The following PPP3CC variants were observed in gnomAD, a reference collection of about 807,000 sequenced individuals.
The protein encoded by PPP3CC is protein phosphatase 3 catalytic subunit gamma, also known as serine/threonine-protein phosphatase 2B catalytic subunit gamma isoform.
In PPP3CC, 35 loss-of-function variants were observed where a neutral mutation model predicts 60.3. The observed-to-expected ratio is 0.58, with a 90% CI of 0.44 to 0.77. The LOEUF is 0.77. PPP3CC is among the 30% of genes least tolerant of loss of function. The pLI is 0.00. For synonymous variants in PPP3CC, 206 were observed against 224.3 expected (o/e 0.92, Z 0.73); for missense variants, 570 against 628.9 (o/e 0.91, Z 1.00).
In PPP3CC at chr8:22,467,820, A is replaced by G. The variant is rs138166666; in HGVS notation, c.50-7134A>G. Among the ~76,000 whole-genome samples the G allele has an allele frequency of 2.2e-4, 34 of 152,294 alleles. No individual in the cohort carries two copies. In the East Asian group the frequency reaches 6.0e-3, roughly 27 times the overall value. On this transcript the variant is annotated intron_variant, in intron 1 of 13. Transcript: ENST00000240139. Reference sequence around the variant, plus strand: ...AGTCCTAGAGGCTGGGAAGTCCAAGAGTCAGCTTGCCAGCAGATTGTGTGT... The same window carrying G: ...AGTCCTAGAGGCTGGGAAGTCCAAGGGTCAGCTTGCCAGCAGATTGTGTGT...
At chr8:22,462,851 C>A (rs899287292) in intron 1 of PPP3CC, among the ~76,000 whole-genome samples, 1 of 152,204 alleles carries the variant, frequency 6.6e-6, no homozygotes, top group Non-Finnish European at 1.5e-5. Flanking sequence ...GGCTGCACAG[C>A]AGCATTTAAG....
chr8:22,445,020 T>G (rs929469523), intron 1 of PPP3CC, among the ~76,000 whole-genome samples: 3 of 152,232 alleles, frequency 2.0e-5, no homozygotes, highest in African/African-American at 7.2e-5. Flanking sequence ...ATTGTCTTAT[T>G]TTGTTACTTT....
chr8:22,459,852 A>C (rs1044555367), intron 1 of PPP3CC, among the ~76,000 whole-genome samples: 1 of 152,110 alleles, frequency 6.6e-6, no homozygotes, highest in African/African-American at 2.4e-5. Context: ...GGGGTAGACT[A>C]TTTTCTTAGA....
At position 22,508,260 on chromosome 8, in the gene PPP3CC, AT is replaced by A. The variant is rs1288702833; in HGVS notation, c.485-2819del. The stretch of plus-strand genomic sequence containing the variant: ...ACAGTAAGATCCTGTCTCTAAAAAA[AT>A]TTTTTTAAAAGGTGGTATAATAATA... On this transcript the variant is annotated intron_variant, in intron 4 of 13. Coordinates refer to ENST00000240139, the MANE Select transcript of PPP3CC (RefSeq NM_005605.5). Among the ~76,000 whole-genome samples, 5 of 152,112 alleles carry A rather than the reference AT, an allele frequency of 3.3e-5. No individual in the cohort carries two copies. In the East Asian group the frequency reaches 5.8e-4, roughly 18 times the overall value.
chr8:22,457,720 C>T (rs1481007922), intron 1 of PPP3CC, among the ~76,000 whole-genome samples: 1 of 152,232 alleles, frequency 6.6e-6, no homozygotes. Flanking sequence ...CTTAACTATT[C>T]TGTGTTTATA....
chr8:22,475,499 G>T lies in PPP3CC; in HGVS notation c.248-1G>T, dbSNP rs368085413. 2 of 1,606,950 alleles carry T rather than the reference G, an allele frequency of 1.2e-6. No individual in the cohort carries two copies. The highest frequency in any genetic ancestry group is 1.1e-5 in the South Asian group (1 of 89,712). On this transcript the variant is annotated splice_acceptor_variant, in intron 2 of 13. Transcript: ENST00000240139. LOFTEE classifies it high-confidence loss of function. ...ACATCACTTTATGCTTTTTTTCCTA[G>T]TATGTGGTGATATTCATGGACAATT...
In PPP3CC at chr8:22,538,287, C is replaced by G. The variant is rs560246955; in HGVS notation, c.1322-1182C>G. Reference sequence around the variant, plus strand: ...GTTTCAGCAATGCTTTGTTCTCCCACTTCCTAACAGTTACATCAGTGATGT... The same window carrying G: ...GTTTCAGCAATGCTTTGTTCTCCCAGTTCCTAACAGTTACATCAGTGATGT... On this transcript the variant is annotated intron_variant, in intron 12 of 13. Coordinates refer to ENST00000240139, the MANE Select transcript of PPP3CC (RefSeq NM_005605.5). Among the ~76,000 whole-genome samples, 9 of 152,326 alleles carry G rather than the reference C, an allele frequency of 5.9e-5. No individual in the cohort carries two copies. The South Asian group carries it at 1.9e-3, about 32-fold the overall frequency.
In PPP3CC at chr8:22,540,996, G is replaced by A. The variant is rs1046991833; in HGVS notation, c.*194G>A. The stretch of plus-strand genomic sequence containing the variant: ...TTTATGTTCAATATATATAAAAAGT[G>A]CATCTGTTTTGTTTTTCCCTTTTTT... On this transcript the variant is annotated 3_prime_UTR_variant, in exon 14 of 14. Coordinates refer to ENST00000240139, the MANE Select transcript of PPP3CC (RefSeq NM_005605.5). The A allele has an allele frequency of 7.2e-6, 3 of 417,262 alleles. No homozygotes were observed. Among genetic ancestry groups the A allele is most frequent in the African/African-American group, 2.1e-5 (1 of 48,402 alleles). 25.8% of individuals were successfully genotyped at this position (417,262 alleles called of 1,614,324 possible). A position where few individuals can be genotyped will look rare whatever the true frequency, so the allele number is the denominator to read the frequency against.
chr8:22,463,922 G>A (rs182323370), intron 1 of PPP3CC, among the ~76,000 whole-genome samples: 1 of 151,902 alleles, frequency 6.6e-6, no homozygotes, highest in African/African-American at 2.4e-5. Flanking sequence ...AAGTAGCTGG[G>A]ATTACAGGTG....
At chr8:22,492,902 G>A in intron 3 of PPP3CC, 1 of 1,188,158 alleles carries the variant, frequency 8.4e-7, no homozygotes, top group Non-Finnish European at 1.3e-6. Flanking sequence ...AGCAGCTGAT[G>A]GAAATGCTAC....
At chr8:22,505,535 T>G (rs1309208630) in intron 4 of PPP3CC, among the ~76,000 whole-genome samples, 1 of 152,186 alleles carries the variant, frequency 6.6e-6, no homozygotes, top group African/African-American at 2.4e-5. Context: ...AGCGAAATAC[T>G]AGGTAAATGT....
chr8:22,469,081 G>A (rs900894508), intron 1 of PPP3CC, among the ~76,000 whole-genome samples: 33 of 152,096 alleles, frequency 2.2e-4, no homozygotes, highest in Non-Finnish European at 1.5e-4. Context: ...CAGAATCAGC[G>A]TTGAGTATCT....
chr8:22,450,180 GT>G (rs1398174690), intron 1 of PPP3CC, among the ~76,000 whole-genome samples: 7 of 151,986 alleles, frequency 4.6e-5, no homozygotes, highest in Admixed American at 4.6e-4. Flanking sequence ...TGATGACCAT[GT>G]TTTAAAAACC....
chr8:22,479,111 G>T (rs537319862), intron 3 of PPP3CC, among the ~76,000 whole-genome samples: 1 of 152,030 alleles, frequency 6.6e-6, no homozygotes, highest in South Asian at 2.1e-4. Flanking sequence ...CTAACATGTT[G>T]CAAGTATACA....
intron 1 of PPP3CC, among the ~76,000 whole-genome samples, chr8:22,454,521 G>T (rs1346147705): frequency 6.6e-6 from 1 of 152,186 alleles, no homozygotes; most frequent in African/African-American, 2.4e-5. Context: ...TATAGTGAAT[G>T]TATAAGCCAG....
At chr8:22,488,387 C>A (rs1838286723) in intron 3 of PPP3CC, among the ~76,000 whole-genome samples, 1 of 152,124 alleles carries the variant, frequency 6.6e-6, no homozygotes, top group Non-Finnish European at 1.5e-5. Context: ...GCAACAATTC[C>A]ATTTTTCAGA....
At chr8:22,467,204 T>C (rs551192802) in intron 1 of PPP3CC, among the ~76,000 whole-genome samples, 2 of 152,286 alleles carry the variant, frequency 1.3e-5, no homozygotes, top group South Asian at 4.1e-4. Flanking sequence ...AAAAAAAATT[T>C]ATGGTATTTT....
chr8:22,522,684 C>A lies in PPP3CC; in HGVS notation c.878C>A (p.Thr293Lys). ...CGAATGTACAGGAAGAGCCAAGCCA[C>A]AGGCTTTCCATCACTTATTACAATT... Reference protein sequence around the residue: ...GYRMYRKSQATGFPSLITIFS... With the variant: ...GYRMYRKSQAKGFPSLITIFS... Residue 293 changes from threonine (T) to lysine (K), a missense_variant, in exon 8 of 14, where the codon ACA becomes AAA. Physicochemically the swap from Thr to Lys is moderately conservative, Grantham distance 78. Transcript: ENST00000240139. 2 of 1,607,446 alleles carry A rather than the reference C, an allele frequency of 1.2e-6. No individual in the cohort carries two copies.
At chr8:22,482,489 G>T (rs1362697583) in intron 3 of PPP3CC, among the ~76,000 whole-genome samples, 2 of 152,100 alleles carry the variant, frequency 1.3e-5, no homozygotes, top group Non-Finnish European at 2.9e-5. Flanking sequence ...TAGGTTACCT[G>T]TTCACTCTGA....
Sources: allele counts gnomAD v4.1 joint callset (sites outside exome capture counted in the v4.1 genomes callset), GRCh38; gene constraint gnomAD v4.1.1; transcripts MANE v1.5; gene names NCBI Gene and HGNC (gene_info 2026-07-23, HGNC 2026-07-21).